PNCK: variants seen among roughly 807,000 people sequenced by gnomAD.
PNCK encodes calcium/calmodulin-dependent protein kinase type 1B.
PNCK carries 21 observed loss-of-function variants against 28.3 expected under a neutral mutation model. That is an observed-to-expected ratio of 0.74 (90% CI 0.53 to 1.07). The LOEUF is 1.07. Ranked by LOEUF, PNCK falls within the 50% of genes least tolerant of loss-of-function variation. The probability of loss-of-function intolerance (pLI) is 0.00; values close to 1 mark genes in which losing one functional copy is unlikely to be tolerated. For synonymous variants in PNCK, 136 were observed against 125.2 expected, an observed-to-expected ratio of 1.09 and a Z score of -0.58; for missense variants, 250 against 298.3, an observed-to-expected ratio of 0.84 and a Z score of 1.19.
In PNCK at chrX:153,670,900, A is replaced by C; in HGVS notation, c.806+18T>G. On this transcript the variant is annotated intron_variant, in intron 9 of 11. Coordinates refer to ENST00000340888, the MANE Select transcript of PNCK (RefSeq NM_001366977.1). ...AGGCCCCCTGGCCCTGGGGCAGCTC[A>C]GCAGGGCTCCCACTCACCAAAGGTG... 28 of 1,211,916 alleles carry C rather than the reference A, an allele frequency of 2.3e-5. No homozygotes were observed. The highest frequency in any genetic ancestry group is 3.1e-5 in the Non-Finnish European group (28 of 895,178).
chrX:153,678,194 T>G (rs782543984), upstream of PNCK, among the ~76,000 whole-genome samples: 7 of 110,368 alleles, frequency 6.3e-5, no homozygotes, highest in Non-Finnish European at 9.5e-5. Context: ...GGCTCATGCC[T>G]GTAACCCCAG....
chrX:153,672,515 G>A, intron 3 of PNCK, 51 bp downstream of exon 3: 1 of 1,182,291 alleles, frequency 8.5e-7, no homozygotes, highest in East Asian at 3.0e-5. Context: ...AGGACTGCTT[G>A]CACCCCCCCA....
At chrX:153,673,839 G>A (rs1557041025), upstream of PNCK, 2 of 751,798 alleles carry the variant, frequency 2.7e-6, no homozygotes, top group Admixed American at 8.7e-5. Context: ...CCCCCCGCCC[G>A]CGCCCCGCCG....
chrX:153,670,423 G>A, intron 11 of PNCK, 27 bp downstream of exon 11: 1 of 1,209,889 alleles, frequency 8.3e-7, no homozygotes, highest in Non-Finnish European at 1.1e-6. Context: ...GCCAGCTCCT[G>A]GGCGTGCAGG....
At chrX:153,678,814 A>G (rs1603207923), upstream of PNCK, among the ~76,000 whole-genome samples, 1 of 106,360 alleles carries the variant, frequency 9.4e-6, no homozygotes, top group African/African-American at 3.5e-5. Context: ...GACCCCTGGC[A>G]ACCATGGATC....
upstream of PNCK, chrX:153,674,210 G>A (rs782090299): frequency 1.7e-6 from 2 of 1,172,410 alleles, no homozygotes; most frequent in Non-Finnish European, 2.3e-6. Context: ...CTGCACCACA[G>A]CTCTGCCACC....
upstream of PNCK, among the ~76,000 whole-genome samples, chrX:153,675,942 A>G: frequency 9.2e-6 from 1 of 108,816 alleles, no homozygotes; most frequent in Non-Finnish European, 1.9e-5. Flanking sequence ...CAGGAGTTCC[A>G]GCCTAGCCTG....
At chrX:153,687,145 G>C (rs2091424342) in intron 1 of PNCK, 1 of 172,125 alleles carries the variant, frequency 5.8e-6, no homozygotes, top group African/African-American at 3.2e-5. Context: ...GGGGGTCCTG[G>C]GGAGAGGAAC....
upstream of PNCK, among the ~76,000 whole-genome samples, chrX:153,677,756 GTATA>G (rs1199848489): frequency 3.8e-4 from 37 of 96,347 alleles, no homozygotes; most frequent in Non-Finnish European, 1.9e-4. Flanking sequence ...TATATAGTGT[GTATA>G]TATAGTGTGT....
At chrX:153,677,648 A>G (rs975728817), upstream of PNCK, among the ~76,000 whole-genome samples, 1 of 97,163 alleles carries the variant, frequency 1.0e-5, no homozygotes, top group South Asian at 4.7e-4. Context: ...TATATAGTGT[A>G]TATATATAGT....
chrX:153,671,301 C>T lies in PNCK; in HGVS notation c.598G>A (p.Val200Ile), dbSNP rs782013647. 169 of 1,208,238 alleles carry T rather than the reference C, an allele frequency of 1.4e-4. No individual in the cohort carries two copies. The highest frequency in any genetic ancestry group is 1.8e-4 in the Non-Finnish European group (165 of 893,908). ...GKAVDVWALG[V>I]ISYILLCGYP... ...GTCACTCACAGGATGTAGGAGATGACGCCCAGGGCCCACACATCTACGGCC... is the reference window on the plus strand; with the variant it reads ...GTCACTCACAGGATGTAGGAGATGATGCCCAGGGCCCACACATCTACGGCC... The change falls in exon 7 of 12, where the codon GTC becomes ATC. Residue 200 changes from valine to isoleucine, a missense_variant. Coordinates refer to ENST00000340888, the MANE Select transcript of PNCK (RefSeq NM_001366977.1).
upstream of PNCK, among the ~76,000 whole-genome samples, chrX:153,677,784 GTA>G (rs2091377060): frequency 9.6e-6 from 1 of 104,008 alleles, no homozygotes; most frequent in Admixed American, 1.1e-4. Flanking sequence ...TATATAGTGT[GTA>G]TATAGTGTGT....
intron 1 of PNCK, among the ~76,000 whole-genome samples, chrX:153,686,298 C>T (rs1557043149): frequency 9.0e-6 from 1 of 111,600 alleles, no homozygotes; most frequent in African/African-American, 3.3e-5. Flanking sequence ...ACATCCTTCT[C>T]GAGCCTCTGC....
chrX:153,671,367 G>A lies in PNCK; in HGVS notation c.539-7C>T. 4 of 1,212,043 alleles carry A rather than the reference G, an allele frequency of 3.3e-6. No individual in the cohort carries two copies. Among genetic ancestry groups the A allele is most frequent in the Admixed American group, 2.2e-5 (1 of 46,113 alleles). On this transcript the variant is annotated splice_region_variant and splice_polypyrimidine_tract_variant and intron_variant, in intron 6 of 11. Coordinates refer to ENST00000340888, the MANE Select transcript of PNCK (RefSeq NM_001366977.1). ...TGCTCCAAGAGCTCTGGGGCTGGGG[G>A]CCAGAGACAGACAGACGCACGCACA...
chrX:153,675,963 CTTTTCTTTTCTTTT>C (rs1301947843), upstream of PNCK, among the ~76,000 whole-genome samples: 6 of 99,688 alleles, frequency 6.0e-5, no homozygotes, highest in Admixed American at 1.1e-4. Flanking sequence ...GGCAACATAG[CTTTTCTTTTCTTTT>C]TTTTCTTTTC....
chrX:153,670,928 G>A lies in PNCK; in HGVS notation c.796C>T (p.Arg266Trp), dbSNP rs781882136. Residue 266 changes from arginine to tryptophan, a missense_variant, in exon 9 of 12, where the codon CGG (arginine) becomes TGG (tryptophan). Physicochemically the swap from Arg to Trp is moderately radical, Grantham distance 101. Transcript: ENST00000340888. ...QKRFTCQQAL[R>W]HLWISGDTAF... ...AGGGCTCCCACTCACCAAAGGTGCC[G>A]CAAGGCCTGTTGGCAGGTGAACCTC... 3.3e-6 allele frequency: 4 copies of A among 1,210,811 alleles called. No individual in the cohort carries two copies. Among genetic ancestry groups the A allele is most frequent in the Non-Finnish European group, 4.5e-6 (4 of 895,281 alleles).
intron 1 of PNCK, chrX:153,673,521 G>A (rs2091340073): frequency 2.7e-6 from 1 of 375,854 alleles, no homozygotes; most frequent in African/African-American, 2.8e-5. Flanking sequence ...ATGCACCTGC[G>A]ACCCCCGCGC....
chrX:153,685,896 G>A (rs782093321), intron 1 of PNCK, among the ~76,000 whole-genome samples: 3 of 112,741 alleles, frequency 2.7e-5, no homozygotes, highest in Non-Finnish European at 3.8e-5. Flanking sequence ...TGGCCCAGGG[G>A]CTGGTAGTGG....
At chrX:153,673,833 C>A, upstream of PNCK, 1 of 752,955 alleles carries the variant, frequency 1.3e-6, no homozygotes, top group South Asian at 6.5e-5. Context: ...GCCAAGCCCC[C>A]CGCCCGCGCC....
Sources: gnomAD v4.1 joint callset for allele counts (sites outside exome capture counted in the v4.1 genomes callset) on GRCh38, gnomAD v4.1.1 for gene constraint, MANE v1.5 for transcripts, NCBI Gene and HGNC (gene_info 2026-07-23, HGNC 2026-07-21) for gene names.